Variants in TMEM178B observed in about 807,000 individuals in gnomAD.
TMEM178B encodes transmembrane protein 178B.
In TMEM178B, 5 loss-of-function variants were observed where a neutral mutation model predicts 31.0. The observed-to-expected ratio is 0.16, with a 90% CI of 0.08 to 0.34. The LOEUF (loss-of-function observed/expected upper bound fraction) is 0.34, where lower values mean the gene tolerates loss of function less well. Ranked by LOEUF, TMEM178B falls within the 10% of genes least tolerant of loss-of-function variation. TMEM178B has a pLI of 1.00. For missense variants in TMEM178B, 275 were observed against 400.3 expected, an observed-to-expected ratio of 0.69 and a Z score of 2.67; for synonymous variants, 164 against 164.0, an observed-to-expected ratio of 1.00 and a Z score of 0.00.
In TMEM178B at chr7:141,157,443, G is replaced by GCA. The variant is rs927252197; in HGVS notation, c.383-55138_383-55137dup. 8.0e-5 allele frequency among the ~76,000 whole-genome samples: 12 copies of GCA among 150,408 alleles called. No homozygotes were observed. The South Asian group carries it at 2.3e-3, about 29-fold the overall frequency. On this transcript the variant is annotated intron_variant, in intron 1 of 3. Transcript: ENST00000565468. The stretch of plus-strand genomic sequence containing the variant: ...TGCGCGCGTGCACACACACACACAC[G>GCA]CACACACACACGCACACCAGCCAAC...
In TMEM178B at chr7:141,318,653, A is replaced by G. The variant is rs1799047171; in HGVS notation, c.496+105949A>G. Among the ~76,000 whole-genome samples, 1 of 152,226 alleles carries G rather than the reference A, an allele frequency of 6.6e-6. No homozygotes were observed. Among genetic ancestry groups the G allele is most frequent in the African/African-American group, 2.4e-5 (1 of 41,458 alleles). On this transcript the variant is annotated intron_variant, in intron 2 of 3. Transcript: ENST00000565468. The surrounding 1 kb of genome is among the most constrained non-coding windows in gnomAD (Gnocchi z 4.1). ...CTATGCCACCCCTTCAGAAGCCTGT[A>G]CCAAGACACTTAGAATTTTGCTGCT...
At chr7:141,429,265 ACC>A (rs1353439666) in intron 2 of TMEM178B, among the ~76,000 whole-genome samples, 1 of 151,822 alleles carries the variant, frequency 6.6e-6, no homozygotes, top group East Asian at 1.9e-4. Context: ...GAATCATATC[ACC>A]TGAGTGTCAA....
chr7:141,408,829 G>A (rs938714372), intron 2 of TMEM178B, among the ~76,000 whole-genome samples: 3 of 152,192 alleles, frequency 2.0e-5, no homozygotes, highest in South Asian at 4.1e-4. Context: ...TGTCAACCAC[G>A]CAGAAAGGGG....
At chr7:141,454,215 C>T (rs1801919600) in intron 3 of TMEM178B, among the ~76,000 whole-genome samples, 1 of 152,134 alleles carries the variant, frequency 6.6e-6, no homozygotes, top group Non-Finnish European at 1.5e-5. Context: ...TTTTTATAGC[C>T]CCTGAGTTAG....
chr7:141,293,051 A>G (rs1798573780), intron 2 of TMEM178B, among the ~76,000 whole-genome samples: 1 of 152,184 alleles, frequency 6.6e-6, no homozygotes, highest in East Asian at 1.9e-4. Context: ...AATGTTACAG[A>G]GACCTATAGG....
At chr7:141,091,384 A>G (rs1243821780) in intron 1 of TMEM178B, among the ~76,000 whole-genome samples, 2 of 152,220 alleles carry the variant, frequency 1.3e-5, no homozygotes, top group Non-Finnish European at 2.9e-5. Context: ...ACCTGTAGGA[A>G]CCCAGTGGTC....
intron 1 of TMEM178B, among the ~76,000 whole-genome samples, chr7:141,161,007 A>G (rs979716723): frequency 6.6e-5 from 10 of 151,882 alleles, no homozygotes; most frequent in African/African-American, 2.2e-4. Context: ...ACAGGCATGC[A>G]CCACCATGCC....
intron 2 of TMEM178B, among the ~76,000 whole-genome samples, chr7:141,243,210 C>T (rs1797655963): frequency 6.6e-6 from 1 of 152,002 alleles, no homozygotes; most frequent in South Asian, 2.1e-4. Context: ...GTCTCTTTCT[C>T]GGAGTCCATG....
intron 2 of TMEM178B, among the ~76,000 whole-genome samples, chr7:141,299,657 T>C (rs1798691358): frequency 6.6e-6 from 1 of 152,238 alleles, no homozygotes; most frequent in South Asian, 2.1e-4. Context: ...CTGCAGAATT[T>C]CTACTGGGGG....
chr7:141,370,101 G>A (rs1185744116), intron 2 of TMEM178B, among the ~76,000 whole-genome samples: 7 of 140,290 alleles, frequency 5.0e-5, no homozygotes, highest in South Asian at 2.4e-4. Context: ...CAGTGGAACC[G>A]GGAGGAACCC....
In TMEM178B at chr7:141,261,532, C is replaced by A. The variant is rs572684254; in HGVS notation, c.496+48828C>A. The stretch of plus-strand genomic sequence containing the variant: ...AGAGGAGGGTCCCAAGTGCAGGGAT[C>A]GTTAGTCATATATGGTTTCAGAGCT... On this transcript the variant is annotated intron_variant, in intron 2 of 3. Transcript: ENST00000565468. Among the ~76,000 whole-genome samples, 8 of 152,146 alleles carry A rather than the reference C, an allele frequency of 5.3e-5. No individual in the cohort carries two copies. The East Asian group carries it at 1.5e-3, about 29-fold the overall frequency.
At chr7:141,376,401 G>A (rs910679851) in intron 2 of TMEM178B, among the ~76,000 whole-genome samples, 1 of 152,112 alleles carries the variant, frequency 6.6e-6, no homozygotes, top group Non-Finnish European at 1.5e-5. Context: ...GTCTAAAGAG[G>A]AAAACATAAC....
chr7:141,180,391 T>C (rs4726379), intron 1 of TMEM178B, among the ~76,000 whole-genome samples: 109,919 of 147,816 alleles, frequency 0.74, 41,155 homozygotes, highest in African/African-American at 0.85. Context: ...ACCCAGGAGG[T>C]GGAGTTTGCA....
At chr7:141,487,598 T>A in the TMEM178B span, among the ~76,000 whole-genome samples, 1 of 151,272 alleles carries the variant, frequency 6.6e-6, no homozygotes, top group Non-Finnish European at 1.5e-5. Flanking sequence ...AAAATTAGCC[T>A]GGTGTGGGGG....
chr7:141,437,614 G>T lies in TMEM178B; in HGVS notation c.503G>T (p.Arg168Leu). 1 of 1,536,112 alleles carries T rather than the reference G, an allele frequency of 6.5e-7. No homozygotes were observed. Among genetic ancestry groups the T allele is most frequent in the Non-Finnish European group, 8.7e-7 (1 of 1,146,912 alleles). Residue 168 changes from arginine to leucine, a missense_variant, in exon 3 of 4, where the codon CGC becomes CTC. By Grantham distance (102) the Arg-to-Leu change is moderately radical. Coordinates refer to ENST00000565468, the MANE Select transcript of TMEM178B (RefSeq NM_001195278.2). ...CTCGCCTGCTTCCCCACAGACCTGC[G>T]CAGAATGACGGCTGGCTTCATGGGC... ...RQDEWHALHLRRMTAGFMGMA... is the reference protein window; with the variant it reads ...RQDEWHALHLLRMTAGFMGMA...
chr7:141,240,497 A>G (rs1797600556), intron 2 of TMEM178B, among the ~76,000 whole-genome samples: 1 of 152,248 alleles, frequency 6.6e-6, no homozygotes, highest in African/African-American at 2.4e-5. Context: ...ATGGATGATG[A>G]CACCTTTCAC....
intron 2 of TMEM178B, among the ~76,000 whole-genome samples, chr7:141,386,077 C>T (rs1422795611): frequency 1.3e-5 from 2 of 152,184 alleles, no homozygotes; most frequent in African/African-American, 4.8e-5. Flanking sequence ...CTCAAGAGGA[C>T]CAGAAATCTT....
intron 1 of TMEM178B, among the ~76,000 whole-genome samples, chr7:141,198,413 G>A (rs1434470026): frequency 9.2e-5 from 14 of 152,208 alleles, no homozygotes; most frequent in Admixed American, 9.2e-4. Context: ...CAATTCTGGT[G>A]ACTCATGAAC....
At chr7:141,089,776 C>T (rs945125897) in intron 1 of TMEM178B, among the ~76,000 whole-genome samples, 6 of 152,034 alleles carry the variant, frequency 3.9e-5, no homozygotes, top group Admixed American at 1.3e-4. Flanking sequence ...AACCAAACAC[C>T]GCATGTTCTC....
Sources: gnomAD v4.1 joint callset for allele counts (sites outside exome capture counted in the v4.1 genomes callset) on GRCh38, gnomAD v4.1.1 for gene constraint, Gnocchi (gnomAD v3.1) non-coding constraint, MANE v1.5 for transcripts, NCBI Gene and HGNC (gene_info 2026-07-23, HGNC 2026-07-21) for gene names.